The following MMP16 variants were observed in gnomAD, a reference collection of about 807,000 sequenced individuals.
The protein encoded by MMP16 is matrix metallopeptidase 16.
A neutral mutation model predicts 67.8 loss-of-function variants in MMP16; 12 were observed. The ratio of observed to expected loss-of-function variants is 0.18; its 90% CI spans 0.11 to 0.29. The LOEUF (loss-of-function observed/expected upper bound fraction) is 0.29, where lower values mean the gene tolerates loss of function less well. Ranked by LOEUF, MMP16 falls within the 10% of genes least tolerant of loss-of-function variation. The pLI is 1.00. For missense variants in MMP16, 475 were observed against 765.7 expected, an observed-to-expected ratio of 0.62 and a Z score of 4.48; for synonymous variants, 249 against 255.9, an observed-to-expected ratio of 0.97 and a Z score of 0.26.
intron 1 of MMP16, among the ~76,000 whole-genome samples, chr8:88,291,539 T>TA (rs1810926225): frequency 6.6e-6 from 1 of 152,184 alleles, no homozygotes; most frequent in Non-Finnish European, 1.5e-5. Context: ...CTCTCTGCTT[T>TA]CACTAGAAGT....
intron 1 of MMP16, among the ~76,000 whole-genome samples, chr8:88,226,128 C>A (rs1328598714): frequency 6.6e-6 from 1 of 152,000 alleles, no homozygotes; most frequent in Admixed American, 6.6e-5. Context: ...CACACACACA[C>A]AAATATATAT....
chr8:88,086,467 A>C (rs1452182714), intron 6 of MMP16, among the ~76,000 whole-genome samples: 1 of 151,904 alleles, frequency 6.6e-6, no homozygotes, highest in African/African-American at 2.4e-5. Context: ...GAACTCTTTG[A>C]GAATGTATAT....
In MMP16 at chr8:88,207,068, C is replaced by A. The variant is rs183515077; in HGVS notation, c.133-9762G>T. On this transcript the variant is annotated intron_variant, in intron 1 of 9. Coordinates refer to ENST00000286614, the MANE Select transcript of MMP16 (RefSeq NM_005941.5). ...CATATATCCTGGAAATATCAAAAAACTCTAAAATTTAGATATGTCATGAAT... is the reference window on the plus strand; with the variant it reads ...CATATATCCTGGAAATATCAAAAAAATCTAAAATTTAGATATGTCATGAAT... Among the ~76,000 whole-genome samples, 11 of 152,190 alleles carry A rather than the reference C, an allele frequency of 7.2e-5. 1 individual carries two copies. Among genetic ancestry groups the A allele is most frequent in the African/African-American group, 2.4e-4 (10 of 41,538 alleles).
At chr8:88,212,018 T>C in intron 1 of MMP16, among the ~76,000 whole-genome samples, 1 of 142,720 alleles carries the variant, frequency 7.0e-6, no homozygotes, top group African/African-American at 2.6e-5. Context: ...TCACCTATGT[T>C]CACACTGGCC....
intron 1 of MMP16, among the ~76,000 whole-genome samples, chr8:88,241,592 G>GAT (rs1307411334): frequency 1.3e-5 from 2 of 151,980 alleles, no homozygotes; most frequent in African/African-American, 4.8e-5. Context: ...TGGTATAAAT[G>GAT]ATATATTTAT....
intron 3 of MMP16, among the ~76,000 whole-genome samples, chr8:88,175,494 A>G (rs181498150): frequency 6.6e-6 from 1 of 152,360 alleles, no homozygotes; most frequent in Non-Finnish European, 1.5e-5. Flanking sequence ...TTAACTTTAA[A>G]GTGCAATATA....
rs1292502267 is a variant in MMP16, at chr8:88,124,358, T to TTTA, written c.710-5500_710-5498dup. On this transcript the variant is annotated intron_variant, in intron 4 of 9. Coordinates refer to ENST00000286614, the MANE Select transcript of MMP16 (RefSeq NM_005941.5). The stretch of plus-strand genomic sequence containing the variant: ...CTACTCTCTGCCATATTAATTAGGT[T>TTTA]TTATTATTATTACCATTCTACAGAC... Among the ~76,000 whole-genome samples, 7 of 152,080 alleles carry TTTA rather than the reference T, an allele frequency of 4.6e-5. No homozygotes were observed. In the South Asian group the frequency reaches 1.2e-3, roughly 27 times the overall value.
intron 3 of MMP16, among the ~76,000 whole-genome samples, chr8:88,175,763 G>A (rs2129724045): frequency 6.6e-6 from 1 of 152,256 alleles, no homozygotes; most frequent in Admixed American, 6.5e-5. Flanking sequence ...TAATCCCCAT[G>A]TGTCCTGGGA....
intron 4 of MMP16, among the ~76,000 whole-genome samples, chr8:88,143,718 C>T (rs1808248528): frequency 6.6e-6 from 1 of 151,668 alleles, no homozygotes; most frequent in African/African-American, 2.4e-5. Context: ...AGGAAGTGGG[C>T]ATAAAATGCA....
rs374946257 is a variant in MMP16, at chr8:88,283,791, C to A, written c.132+43284G>T. On this transcript the variant is annotated intron_variant, in intron 1 of 9. Coordinates refer to ENST00000286614, the MANE Select transcript of MMP16 (RefSeq NM_005941.5). Reference sequence around the variant, plus strand: ...GAACATATAAAAATTTACTCATATTCCCATAAATGTACTGTTTGGATATAT... The same window carrying A: ...GAACATATAAAAATTTACTCATATTACCATAAATGTACTGTTTGGATATAT... Among the ~76,000 whole-genome samples the A allele has an allele frequency of 2.2e-4, 33 of 152,166 alleles. 2 individuals carry two copies. The highest frequency in any genetic ancestry group is 3.4e-3 in the Middle Eastern group (1 of 294).
chr8:88,107,903 T>C (rs186017631), intron 6 of MMP16, among the ~76,000 whole-genome samples: 2 of 151,190 alleles, frequency 1.3e-5, no homozygotes, highest in Non-Finnish European at 3.0e-5. Context: ...GAAAACTAAT[T>C]AACTTTAATG....
chr8:88,278,092 A>G (rs1810677349), intron 1 of MMP16, among the ~76,000 whole-genome samples: 1 of 152,214 alleles, frequency 6.6e-6, no homozygotes, highest in African/African-American at 2.4e-5. Flanking sequence ...CAGGAAGGCC[A>G]AAGACAAACT....
chr8:88,261,905 A>C (rs1447291506), intron 1 of MMP16, among the ~76,000 whole-genome samples: 3 of 152,140 alleles, frequency 2.0e-5, no homozygotes. Flanking sequence ...TTTAATCTTC[A>C]GAGCAACCCC....
chr8:88,137,160 G>GTA (rs1329004398), intron 4 of MMP16, among the ~76,000 whole-genome samples: 2 of 151,694 alleles, frequency 1.3e-5, no homozygotes, highest in East Asian at 3.9e-4. Context: ...ACGCTTATTT[G>GTA]TATACTCTTT....
At chr8:88,184,548 T>A (rs1382472018) in intron 3 of MMP16, among the ~76,000 whole-genome samples, 1 of 67,096 alleles carries the variant, frequency 1.5e-5, no homozygotes, top group Non-Finnish European at 2.7e-5. Flanking sequence ...GGGCAAATGG[T>A]AAAACTCTCT....
intron 1 of MMP16, among the ~76,000 whole-genome samples, chr8:88,305,088 T>C (rs1054601761): frequency 2.0e-5 from 3 of 151,934 alleles, no homozygotes; most frequent in Admixed American, 6.6e-5. Context: ...TTGAAATAAA[T>C]GGATGAAGGA....
At chr8:88,186,207 A>C in intron 3 of MMP16, 1 of 304,880 alleles carries the variant, frequency 3.3e-6, no homozygotes, top group Non-Finnish European at 6.0e-6. Flanking sequence ...AATATGTTAG[A>C]ACATTCATCT....
chr8:88,254,920 A>G (rs1810278679), intron 1 of MMP16, among the ~76,000 whole-genome samples: 1 of 152,242 alleles, frequency 6.6e-6, no homozygotes, highest in South Asian at 2.1e-4. Context: ...TATTAATAAA[A>G]GGAGAAACTC....
At chr8:88,175,175 A>G (rs970361357) in intron 3 of MMP16, among the ~76,000 whole-genome samples, 16 of 152,190 alleles carry the variant, frequency 1.1e-4, no homozygotes, top group Admixed American at 2.6e-4. Context: ...AAAAATTAGC[A>G]TCACCACTGC....
Sources: allele counts gnomAD v4.1 joint callset (sites outside exome capture counted in the v4.1 genomes callset), GRCh38; gene constraint gnomAD v4.1.1; transcripts MANE v1.5; gene names NCBI Gene and HGNC (gene_info 2026-07-23, HGNC 2026-07-21).